NEGR1: variants seen among roughly 807,000 people sequenced by gnomAD.
NEGR1 encodes the protein neuronal growth regulator 1, also known as IgLON family member 4.
In NEGR1, 10 loss-of-function variants were observed where a neutral mutation model predicts 40.9. The ratio of observed to expected loss-of-function variants is 0.24; its 90% CI spans 0.15 to 0.42. NEGR1 has a LOEUF of 0.42. Among genes scored for constraint, NEGR1 ranks in the 10% least tolerant of loss-of-function variants. NEGR1 has a pLI of 1.00. For synonymous variants in NEGR1, 185 were observed against 166.8 expected (o/e 1.11, Z -0.84); for missense variants, 352 against 438.9 (o/e 0.80, Z 1.77).
At chr1:71,471,410 C>T (rs938506732) in intron 6 of NEGR1, among the ~76,000 whole-genome samples, 14 of 152,082 alleles carry the variant, frequency 9.2e-5, no homozygotes, top group South Asian at 2.1e-4. Context: ...CTTTGAGAGG[C>T]CTTGGCGGCC....
intron 2 of NEGR1, among the ~76,000 whole-genome samples, chr1:71,931,779 C>T (rs1203375838): frequency 6.6e-6 from 1 of 152,190 alleles, no homozygotes; most frequent in African/African-American, 2.4e-5. Flanking sequence ...CAATTCCTGA[C>T]ATATATTCAA....
At chr1:72,225,575 A>C (rs1654165670) in intron 1 of NEGR1, among the ~76,000 whole-genome samples, 1 of 151,478 alleles carries the variant, frequency 6.6e-6, no homozygotes, top group Non-Finnish European at 1.5e-5. Context: ...GGCTAATACT[A>C]AGAAAAATAT....
chr1:71,545,681 G>T (rs571976092), intron 6 of NEGR1, among the ~76,000 whole-genome samples: 56 of 151,512 alleles, frequency 3.7e-4, no homozygotes, highest in Admixed American at 1.3e-3. Context: ...TATTTTCTAT[G>T]GATCTGATAA....
In NEGR1 at chr1:72,252,133, T is replaced by C. The variant is rs1354006420; in HGVS notation, c.176+30186A>G. On this transcript the variant is annotated intron_variant, in intron 1 of 6. Transcript: ENST00000357731. ...TTTTTTTTCTTTTTTTAGACAGAGT[T>C]TTGCTCTTGTTTTCCAGGCTGGAGT... Among the ~76,000 whole-genome samples, 3 of 133,848 alleles carry C rather than the reference T, an allele frequency of 2.2e-5. No individual in the cohort carries two copies. In the South Asian group the frequency reaches 6.2e-4, roughly 28 times the overall value. The allele number at this position is 133,848 out of a possible 152,430, so 87.8% of individuals were successfully genotyped here.
At chr1:71,603,079 A>G (rs1436124645) in intron 5 of NEGR1, among the ~76,000 whole-genome samples, 1 of 152,264 alleles carries the variant, frequency 6.6e-6, no homozygotes, top group African/African-American at 2.4e-5. Context: ...AGATAACACT[A>G]GAAATGCAAG....
intron 1 of NEGR1, among the ~76,000 whole-genome samples, chr1:72,136,306 G>A (rs920873778): frequency 6.6e-6 from 1 of 151,962 alleles, no homozygotes; most frequent in Non-Finnish European, 1.5e-5. Context: ...GAATGTAAAA[G>A]CTGAAAAATG....
chr1:71,438,415 A>T (rs550603045), intron 6 of NEGR1, among the ~76,000 whole-genome samples: 1 of 152,234 alleles, frequency 6.6e-6, no homozygotes, highest in Admixed American at 6.5e-5. Flanking sequence ...TTTTTTTTGT[A>T]TGTCGTGCTG....
At chr1:72,108,438 A>T (rs978048862) in intron 1 of NEGR1, among the ~76,000 whole-genome samples, 5 of 151,598 alleles carry the variant, frequency 3.3e-5, no homozygotes, top group African/African-American at 1.2e-4. Flanking sequence ...ATGCAATATG[A>T]TTAATTGGTT....
intron 3 of NEGR1, among the ~76,000 whole-genome samples, chr1:71,764,588 A>G (rs1189120112): frequency 1.3e-5 from 2 of 152,206 alleles, no homozygotes; most frequent in Non-Finnish European, 2.9e-5. Context: ...TGGCCCAGGA[A>G]CTGCTAACGA....
intron 6 of NEGR1, among the ~76,000 whole-genome samples, chr1:71,429,258 A>G (rs1646449817): frequency 6.6e-6 from 1 of 152,226 alleles, no homozygotes; most frequent in Non-Finnish European, 1.5e-5. Context: ...TGTAGTATTT[A>G]AATGGATTAT....
chr1:71,520,414 A>G (rs1647147897), intron 6 of NEGR1, among the ~76,000 whole-genome samples: 1 of 152,036 alleles, frequency 6.6e-6, no homozygotes, highest in African/African-American at 2.4e-5. Flanking sequence ...CTCTTTTCGA[A>G]GCAAACTCAG....
intron 6 of NEGR1, chr1:71,476,779 G>A (rs1646824107): frequency 6.6e-6 from 1 of 152,078 alleles, no homozygotes; most frequent in East Asian, 1.9e-4. Flanking sequence ...GGACCACTAT[G>A]TAGACAATGG....
At chr1:71,642,867 G>C (rs1651399973) in intron 4 of NEGR1, among the ~76,000 whole-genome samples, 1 of 151,772 alleles carries the variant, frequency 6.6e-6, no homozygotes, top group Non-Finnish European at 1.5e-5. Context: ...CTTTTTCTGA[G>C]AGCTGTAGCA....
intron 1 of NEGR1, among the ~76,000 whole-genome samples, chr1:72,176,011 G>A (rs919125078): frequency 7.9e-5 from 12 of 152,112 alleles, no homozygotes; most frequent in Non-Finnish European, 4.4e-5. Context: ...TTAGAAGACA[G>A]CTAAAATTCA....
intron 1 of NEGR1, among the ~76,000 whole-genome samples, chr1:72,280,826 T>C (rs1016083411): frequency 1.3e-5 from 2 of 152,156 alleles, no homozygotes; most frequent in Non-Finnish European, 2.9e-5. Flanking sequence ...TCCCACTCTC[T>C]TTCACCTTAG....
chr1:72,013,972 A>T (rs1233653938), intron 1 of NEGR1, among the ~76,000 whole-genome samples: 25 of 137,672 alleles, frequency 1.8e-4, no homozygotes, highest in South Asian at 1.8e-3. Context: ...ATAAAAAAAA[A>T]AAAAAAAAAA....
chr1:71,629,085 T>C (rs971982947), intron 4 of NEGR1, among the ~76,000 whole-genome samples: 12 of 152,122 alleles, frequency 7.9e-5, no homozygotes, highest in African/African-American at 2.9e-4. Context: ...TGTTGCTTCC[T>C]TTTTACTGGT....
chr1:71,830,762 T>C (rs2101789796), intron 2 of NEGR1, among the ~76,000 whole-genome samples: 1 of 152,106 alleles, frequency 6.6e-6, no homozygotes, highest in Non-Finnish European at 1.5e-5. Flanking sequence ...TTGTAAACTT[T>C]GTAAAGTTTA....
At chr1:72,049,360 T>C (rs1412903339) in intron 1 of NEGR1, among the ~76,000 whole-genome samples, 1 of 151,202 alleles carries the variant, frequency 6.6e-6, no homozygotes, top group Non-Finnish European at 1.5e-5. Context: ...TAAATAAGCA[T>C]AAAACTGAAG....
Sources: allele counts gnomAD v4.1 joint callset (sites outside exome capture counted in the v4.1 genomes callset), GRCh38; gene constraint gnomAD v4.1.1; transcripts MANE v1.5; gene names NCBI Gene and HGNC (gene_info 2026-07-23, HGNC 2026-07-21).